NPFFR2: variants seen among roughly 807,000 people sequenced by gnomAD.
NPFFR2 encodes the protein G-protein coupled receptor 74.
Under a neutral mutation model 13.1 loss-of-function variants are expected in NPFFR2, and 15 were observed. The observed-to-expected ratio is 1.15, with a 90% CI of 0.77 to 1.76. The LOEUF is 1.76. NPFFR2 is among the 40% of genes most tolerant of loss of function. The probability of loss-of-function intolerance (pLI) is 0.00; values close to 1 mark genes in which losing one functional copy is unlikely to be tolerated. For missense variants in NPFFR2, 572 were observed against 503.5 expected (o/e 1.14, Z -1.30); for synonymous variants, 190 against 175.7 (o/e 1.08, Z -0.65).
chr4:72,107,135 A>T (rs2109815650), intron 1 of NPFFR2, among the ~76,000 whole-genome samples: 1 of 151,890 alleles, frequency 6.6e-6, no homozygotes, highest in South Asian at 2.1e-4. Flanking sequence ...TCTGCCCAGC[A>T]CTAATTCAAA....
At chr4:72,098,749 C>T (rs572954157) in intron 1 of NPFFR2, among the ~76,000 whole-genome samples, 5 of 152,270 alleles carry the variant, frequency 3.3e-5, no homozygotes, top group African/African-American at 1.2e-4. Flanking sequence ...TGTATCTGGG[C>T]CAACTCTGAG....
In NPFFR2 at chr4:72,147,599, C is replaced by G; in HGVS notation, c.1050C>G (p.Leu350=). ...GTGGTTTCCAAGAAGCTTTCCAGCTCCAGCTCTGCCAAAAAAGAGCAAAGC... is the reference window on the plus strand; with the variant it reads ...GTGGTTTCCAAGAAGCTTTCCAGCTGCAGCTCTGCCAAAAAAGAGCAAAGC... ...FRRGFQEAFQ[L]QLCQKRAKPM... Residue 350 remains leucine, a synonymous_variant, in exon 4 of 4, where the codon CTC becomes CTG. Coordinates refer to ENST00000308744, the MANE Select transcript of NPFFR2 (RefSeq NM_004885.3). 1 of 1,614,170 alleles carries G rather than the reference C, an allele frequency of 6.2e-7. No individual in the cohort carries two copies. Among genetic ancestry groups the G allele is most frequent in the Non-Finnish European group, 8.5e-7 (1 of 1,180,014 alleles).
intron 1 of NPFFR2, among the ~76,000 whole-genome samples, chr4:72,123,893 A>G (rs1721964270): frequency 6.6e-6 from 1 of 152,210 alleles, no homozygotes; most frequent in Non-Finnish European, 1.5e-5. Flanking sequence ...TATTCAACAT[A>G]GTGTTGGAAG....
At chr4:72,146,021 G>C (rs1452179838) in intron 3 of NPFFR2, among the ~76,000 whole-genome samples, 1 of 152,146 alleles carries the variant, frequency 6.6e-6, no homozygotes, top group Non-Finnish European at 1.5e-5. Context: ...CTCACCAGAG[G>C]ACATAGAATG....
Position 72,128,616 on chromosome 4 carries a change from T to G in NPFFR2, c.25T>G (p.Ser9Ala). The G allele has an allele frequency of 6.2e-7, 1 of 1,610,402 alleles. No individual in the cohort carries two copies. The highest frequency in any genetic ancestry group is 8.5e-7 in the Non-Finnish European group (1 of 1,177,192). MNEKWDTN[S>A]SENWHPIWNV... ...CATGAATGAGAAATGGGACACAAAC[T>G]CTTCAGAAAACTGGCATCCCATCTG... Residue 9 changes from serine (S) to alanine (A), a missense_variant, in exon 2 of 4, where the codon TCT (serine) becomes GCT (alanine). Transcript: ENST00000308744.
intron 1 of NPFFR2, among the ~76,000 whole-genome samples, chr4:72,051,562 C>T (rs1033913988): frequency 2.1e-4 from 32 of 149,934 alleles, no homozygotes; most frequent in Non-Finnish European, 3.7e-4. Context: ...AAAATTGACA[C>T]CCTAACGTCA....
Position 72,112,009 on chromosome 4 carries a change from A to G in NPFFR2, c.-7-16576A>G, listed in dbSNP as rs904355828. Among the ~76,000 whole-genome samples the G allele has an allele frequency of 5.3e-5, 8 of 152,036 alleles. No homozygotes were observed. In the South Asian group the frequency reaches 1.7e-3, roughly 31 times the overall value. ...CCTACCAGTTCCTGGCTTTTTTACC[A>G]GGATTTGCTGGATTTTTACCAAATA... On this transcript the variant is annotated intron_variant, in intron 1 of 3. Transcript: ENST00000308744.
At chr4:72,091,784 G>C (rs1720925075) in intron 1 of NPFFR2, among the ~76,000 whole-genome samples, 1 of 151,952 alleles carries the variant, frequency 6.6e-6, no homozygotes, top group African/African-American at 2.4e-5. Context: ...CAAAGAATCA[G>C]CTGTTTGTTT....
intron 1 of NPFFR2, among the ~76,000 whole-genome samples, chr4:72,094,531 G>A (rs1050863067): frequency 6.6e-6 from 1 of 152,100 alleles, no homozygotes; most frequent in African/African-American, 2.4e-5. Flanking sequence ...AGCTGCTGTG[G>A]GGGATGAGGG....
chr4:72,037,240 AAC>A (rs1338747592), intron 1 of NPFFR2, among the ~76,000 whole-genome samples: 22 of 151,198 alleles, frequency 1.5e-4, no homozygotes, highest in African/African-American at 4.9e-4. Context: ...TAAAAAAAAA[AAC>A]AAAAAACTAG....
intron 3 of NPFFR2, among the ~76,000 whole-genome samples, chr4:72,140,167 TG>T (rs1412224935): frequency 6.6e-6 from 1 of 152,172 alleles, no homozygotes; most frequent in Non-Finnish European, 1.5e-5. Flanking sequence ...GCTGAGATTA[TG>T]GGGTTTTCTA....
rs1462841913 is a variant in NPFFR2, at chr4:72,128,881, T to G, written c.290T>G (p.Phe97Cys). Residue 97 changes from phenylalanine (F) to cysteine (C), a missense_variant, in exon 2 of 4, where the codon TTC (phenylalanine) becomes TGC (cysteine). Phe to Cys is a radical substitution (Grantham distance 205). Coordinates refer to ENST00000308744, the MANE Select transcript of NPFFR2 (RefSeq NM_004885.3). Reference protein sequence around the residue: ...LAISDLLVGIFCMPITLLDNI... With the variant: ...LAISDLLVGICCMPITLLDNI... Reference sequence around the variant, plus strand: ...ATAAGTGATTTACTAGTTGGCATATTCTGCATGCCTATAACACTGCTGGAC... The same window carrying G: ...ATAAGTGATTTACTAGTTGGCATATGCTGCATGCCTATAACACTGCTGGAC... 6 of 1,613,846 alleles carry G rather than the reference T, an allele frequency of 3.7e-6. No homozygotes were observed. The highest frequency in any genetic ancestry group is 5.1e-6 in the Non-Finnish European group (6 of 1,179,754).
intron 1 of NPFFR2, among the ~76,000 whole-genome samples, chr4:72,124,761 AC>A (rs1413604729): frequency 1.3e-5 from 2 of 152,216 alleles, no homozygotes; most frequent in African/African-American, 4.8e-5. Flanking sequence ...TACACCTTAC[AC>A]AAAAATTAAC....
At chr4:72,107,691 G>T (rs1361175644) in intron 1 of NPFFR2, among the ~76,000 whole-genome samples, 1 of 151,776 alleles carries the variant, frequency 6.6e-6, no homozygotes, top group African/African-American at 2.4e-5. Context: ...AGGTAGAATG[G>T]GAGTGGTTTC....
Position 72,112,291 on chromosome 4 carries a change from C to A in NPFFR2, c.-7-16294C>A, listed in dbSNP as rs113206850. 5.2e-3 allele frequency among the ~76,000 whole-genome samples: 789 copies of A among 152,156 alleles called. 3 individuals carry two copies. The highest frequency in any genetic ancestry group is 0.018 in the African/African-American group (752 of 41,520). On this transcript the variant is annotated intron_variant, in intron 1 of 3. Coordinates refer to ENST00000308744, the MANE Select transcript of NPFFR2 (RefSeq NM_004885.3). ...GCTCCCCACCTTCCAAATGTGGATA[C>A]TGTTGTTCTAACTTCTTAGTAGAAA...
chr4:72,145,942 G>T (rs1339098296), intron 3 of NPFFR2, among the ~76,000 whole-genome samples: 1 of 152,078 alleles, frequency 6.6e-6, no homozygotes, highest in African/African-American at 2.4e-5. Context: ...ATAATAACAA[G>T]ATCCACAATA....
At chr4:72,044,712 A>G (rs1463713908) in intron 1 of NPFFR2, among the ~76,000 whole-genome samples, 1 of 150,102 alleles carries the variant, frequency 6.7e-6, no homozygotes, top group African/African-American at 2.5e-5. Flanking sequence ...AGAAATCTCT[A>G]TTTGTGTTCT....
Position 72,145,261 on chromosome 4 carries a change from A to C in NPFFR2, c.429-1717A>C, listed in dbSNP as rs1262063779. The stretch of plus-strand genomic sequence containing the variant: ...ATTTATTAAACAAATATGTAAGTAC[A>C]TATATTGTTATAAATATAAATATAT... On this transcript the variant is annotated intron_variant, in intron 3 of 3. Coordinates refer to ENST00000308744, the MANE Select transcript of NPFFR2 (RefSeq NM_004885.3). Among the ~76,000 whole-genome samples the C allele has an allele frequency of 6.8e-5, 7 of 103,560 alleles. No homozygotes were observed. The East Asian group carries it at 3.5e-3, about 52-fold the overall frequency. The allele number at this position is 103,560 out of a possible 152,430, so 67.9% of individuals were successfully genotyped here.
At chr4:72,072,615 A>AG (rs1403772983) in intron 1 of NPFFR2, among the ~76,000 whole-genome samples, 2 of 152,108 alleles carry the variant, frequency 1.3e-5, no homozygotes. Context: ...TGAAAATCTC[A>AG]GGGGGGAAGA....
Sources: gnomAD v4.1 joint callset for allele counts (sites outside exome capture counted in the v4.1 genomes callset) on GRCh38, gnomAD v4.1.1 for gene constraint, MANE v1.5 for transcripts, NCBI Gene and HGNC (gene_info 2026-07-23, HGNC 2026-07-21) for gene names.